LRRC8B: variants seen among roughly 807,000 people sequenced by gnomAD.
LRRC8B encodes the protein volume-regulated anion channel subunit LRRC8B.
In LRRC8B, 23 loss-of-function variants were observed where a neutral mutation model predicts 58.8. The ratio of observed to expected loss-of-function variants is 0.39; its 90% CI spans 0.28 to 0.55. The LOEUF is 0.55. LRRC8B is among the 20% of genes least tolerant of loss of function. The pLI is 0.62. For missense variants in LRRC8B, 694 were observed against 936.0 expected (o/e 0.74, Z 3.37); for synonymous variants, 359 against 374.1 (o/e 0.96, Z 0.47).
chr1:89,559,629 TACAC>T (rs71084951), intron 1 of LRRC8B, among the ~76,000 whole-genome samples: 219 of 137,546 alleles, frequency 1.6e-3, no homozygotes, highest in South Asian at 8.8e-3. Context: ...TATATATATA[TACAC>T]ACACACACAC....
chr1:89,553,963 C>T (rs1188159857), intron 1 of LRRC8B, among the ~76,000 whole-genome samples: 2 of 152,134 alleles, frequency 1.3e-5, no homozygotes, highest in African/African-American at 2.4e-5. Flanking sequence ...CTTCCTACTG[C>T]TTATATCAAG....
At chr1:89,560,359 G>C (rs940260740) in intron 1 of LRRC8B, among the ~76,000 whole-genome samples, 86 of 151,448 alleles carry the variant, frequency 5.7e-4, no homozygotes, top group Non-Finnish European at 1.1e-3. Flanking sequence ...CATATATAAG[G>C]CTTTAATATA....
At chr1:89,559,151 G>C (rs1186700130) in intron 1 of LRRC8B, 2 of 152,194 alleles carry the variant, frequency 1.3e-5, no homozygotes, top group Non-Finnish European at 2.9e-5. Flanking sequence ...TGATTCTGCA[G>C]CTTGGGGTTA....
intron 1 of LRRC8B, chr1:89,527,128 T>C (rs1466720742): frequency 6.6e-6 from 1 of 152,258 alleles, no homozygotes; most frequent in Non-Finnish European, 1.5e-5. Context: ...GGAAAAATAT[T>C]TTACAATTTA....
At chr1:89,542,510 GTGAA>G (rs544033184) in intron 1 of LRRC8B, among the ~76,000 whole-genome samples, 2 of 152,130 alleles carry the variant, frequency 1.3e-5, no homozygotes, top group African/African-American at 2.4e-5. Context: ...GAATGACTGA[GTGAA>G]TGAATGAATG....
chr1:89,560,969 T>A (rs1334278020), intron 1 of LRRC8B, among the ~76,000 whole-genome samples: 46 of 151,046 alleles, frequency 3.0e-4, no homozygotes, highest in African/African-American at 8.9e-4. Context: ...CACACTGACT[T>A]CCACAATGGT....
intron 5 of LRRC8B, among the ~76,000 whole-genome samples, chr1:89,587,564 C>T (rs930826358): frequency 6.6e-6 from 1 of 152,116 alleles, no homozygotes; most frequent in Non-Finnish European, 1.5e-5. Context: ...ACCACATTGG[C>T]TGCATACATA....
chr1:89,529,798 G>A (rs1182862295), intron 1 of LRRC8B, among the ~76,000 whole-genome samples: 1 of 151,996 alleles, frequency 6.6e-6, no homozygotes, highest in Non-Finnish European at 1.5e-5. Context: ...CCTCAGCCTT[G>A]AATTATTTTT....
At chr1:89,557,996 A>G (rs1354016649) in intron 1 of LRRC8B, among the ~76,000 whole-genome samples, 2 of 152,158 alleles carry the variant, frequency 1.3e-5, no homozygotes, top group African/African-American at 4.8e-5. Context: ...GTAAGCATAG[A>G]CACCAGTGAA....
chr1:89,566,536 C>G (rs1653057706), intron 1 of LRRC8B, among the ~76,000 whole-genome samples: 1 of 152,174 alleles, frequency 6.6e-6, no homozygotes, highest in East Asian at 1.9e-4. Context: ...AGTGACTATG[C>G]CTTTAACCCA....
At chr1:89,528,422 A>G (rs1011819874) in intron 1 of LRRC8B, among the ~76,000 whole-genome samples, 5 of 152,206 alleles carry the variant, frequency 3.3e-5, no homozygotes, top group African/African-American at 1.2e-4. Context: ...CCTTTTCAGC[A>G]TTTTGAAACT....
Position 89,583,037 on chromosome 1 carries a change from G to A in LRRC8B, c.387G>A (p.Thr129=), listed in dbSNP as rs780412603. Residue 129 remains threonine (T), a synonymous_variant, in exon 5 of 6, where the codon ACG becomes ACA. Coordinates refer to ENST00000330947, the MANE Select transcript of LRRC8B (RefSeq NM_001369817.2). This position sits in a 1 kb window ranked among gnomAD's most constrained non-coding sequence, Gnocchi z 5.2. ...TCCCCTATCTGGTGCTCTTGCACAC[G>A]CTCATCTTTGCAGCCTGCAGCAACT... ...KFFPYLVLLH[T]LIFAACSNFW... The A allele has an allele frequency of 4.0e-5, 64 of 1,614,126 alleles. No individual in the cohort carries two copies. The highest frequency in any genetic ancestry group is 2.5e-4 in the South Asian group (23 of 91,078).
intron 1 of LRRC8B, among the ~76,000 whole-genome samples, chr1:89,539,076 A>G (rs1291465888): frequency 6.6e-6 from 1 of 152,016 alleles, no homozygotes; most frequent in Admixed American, 6.6e-5. Flanking sequence ...TAGCAAGACT[A>G]CCTCCTAGAA....
intron 3 of LRRC8B, among the ~76,000 whole-genome samples, chr1:89,570,247 T>C (rs757969721): frequency 3.2e-4 from 48 of 152,358 alleles, no homozygotes; most frequent in Middle Eastern, 3.4e-3. Context: ...AGTAATGCGA[T>C]GGCTGGGTTG....
intron 1 of LRRC8B, among the ~76,000 whole-genome samples, chr1:89,539,012 G>A (rs781648020): frequency 8.5e-5 from 13 of 152,206 alleles, no homozygotes; most frequent in African/African-American, 2.6e-4. Flanking sequence ...GTGAGCCACC[G>A]CACCCAGCCC....
chr1:89,583,079 C>G lies in LRRC8B; in HGVS notation c.429C>G (p.Pro143=). ...GCAGCAACTTTTGGCTTCACTACCCCAGTACCAGTTCCAGGCTCGAGCATT... is the reference window on the plus strand; with the variant it reads ...GCAGCAACTTTTGGCTTCACTACCCGAGTACCAGTTCCAGGCTCGAGCATT... The part of the protein sequence containing the change: ...AACSNFWLHY[P]STSSRLEHFV... Residue 143 remains proline (P), a synonymous_variant, in exon 5 of 6, where the codon CCC becomes CCG. Coordinates refer to ENST00000330947, the MANE Select transcript of LRRC8B (RefSeq NM_001369817.2). This position sits in a 1 kb window ranked among gnomAD's most constrained non-coding sequence, Gnocchi z 5.2. The G allele has an allele frequency of 6.2e-7, 1 of 1,614,226 alleles. No homozygotes were observed. The highest frequency in any genetic ancestry group is 8.5e-7 in the Non-Finnish European group (1 of 1,180,048).
chr1:89,581,608 G>A (rs1483482241), intron 4 of LRRC8B, among the ~76,000 whole-genome samples: 1 of 152,154 alleles, frequency 6.6e-6, no homozygotes, highest in Non-Finnish European at 1.5e-5. Context: ...TCTCAGGAAT[G>A]TTGTCTGAAT....
intron 1 of LRRC8B, among the ~76,000 whole-genome samples, chr1:89,529,085 T>A: frequency 6.6e-6 from 1 of 152,194 alleles, no homozygotes; most frequent in East Asian, 1.9e-4. Flanking sequence ...CCTAAATCTC[T>A]TTTTTCTTGA....
At chr1:89,545,444 C>T (rs894772704) in intron 1 of LRRC8B, among the ~76,000 whole-genome samples, 6 of 152,158 alleles carry the variant, frequency 3.9e-5, no homozygotes, top group Non-Finnish European at 5.9e-5. Flanking sequence ...AACAGAAGGG[C>T]AGGACAAGAA....
Sources: gnomAD v4.1 joint callset for allele counts (sites outside exome capture counted in the v4.1 genomes callset) on GRCh38, gnomAD v4.1.1 for gene constraint, Gnocchi (gnomAD v3.1) non-coding constraint, MANE v1.5 for transcripts, NCBI Gene and HGNC (gene_info 2026-07-23, HGNC 2026-07-21) for gene names.